The following POMT1 variants were observed in gnomAD, a reference collection of about 807,000 sequenced individuals.
POMT1 encodes protein O-mannosyltransferase 1, also known as protein O-mannosyl-transferase 1.
Under a neutral mutation model 101.6 loss-of-function variants are expected in POMT1, and 85 were observed. The observed-to-expected ratio is 0.84, with a 90% CI of 0.70 to 1.00. The LOEUF (loss-of-function observed/expected upper bound fraction) is 1.00, where lower values mean the gene tolerates loss of function less well. POMT1 is among the 50% of genes least tolerant of loss of function. The pLI, the probability that POMT1 is intolerant of heterozygous loss-of-function variation, is 0.00. For synonymous variants in POMT1, 371 were observed against 383.0 expected, an observed-to-expected ratio of 0.97 and a Z score of 0.37; for missense variants, 857 against 930.4, an observed-to-expected ratio of 0.92 and a Z score of 1.03.
intron 2 of POMT1, among the ~76,000 whole-genome samples, chr9:131,505,709 C>T (rs962603790): frequency 1.6e-5 from 2 of 125,824 alleles, no homozygotes. Flanking sequence ...TACTTGCAGC[C>T]GTTTCATTGG....
At chr9:131,521,639 C>G (rs1033357648) in intron 18 of POMT1, among the ~76,000 whole-genome samples, 167 bp downstream of exon 18, 1 of 152,166 alleles carries the variant, frequency 6.6e-6, no homozygotes, top group Non-Finnish European at 1.5e-5. Context: ...CCTCAAGTGA[C>G]AAACCGACTT....
At chr9:131,510,566 G>A in intron 9 of POMT1, 151 bp downstream of exon 9, 1 of 1,066,642 alleles carries the variant, frequency 9.4e-7, no homozygotes. Context: ...GGGGGATGGA[G>A]TCTTACTCTG....
intron 12 of POMT1, among the ~76,000 whole-genome samples, chr9:131,514,306 T>TCC (rs1371632227): frequency 1.3e-5 from 2 of 152,124 alleles, no homozygotes; most frequent in Non-Finnish European, 2.9e-5. Flanking sequence ...CTGACACACT[T>TCC]CACCCCCGCC....
At position 131,521,397 on chromosome 9, in the gene POMT1, G is replaced by A. The variant is rs141582843; in HGVS notation, c.1750G>A (p.Ala584Thr). 2.5e-6 allele frequency: 4 copies of A among 1,614,074 alleles called. No individual in the cohort carries two copies. The highest frequency in any genetic ancestry group is 1.7e-6 in the Non-Finnish European group (2 of 1,180,018). Residue 584 changes from alanine to threonine, a missense_variant, in exon 18 of 20, where the codon GCT becomes ACT. Ala to Thr is a moderately conservative substitution (Grantham distance 58). Coordinates refer to ENST00000402686, the MANE Select transcript of POMT1 (RefSeq NM_001077365.2). ...AGTGATCTGGGTTTCGGGCAGCCTCGCTCTGGCCATCTACGCCCTGCTGTC... is the reference window on the plus strand; with the variant it reads ...AGTGATCTGGGTTTCGGGCAGCCTCACTCTGGCCATCTACGCCCTGCTGTC... ...NIVIWVSGSLALAIYALLSLW... is the reference protein window; with the variant it reads ...NIVIWVSGSLTLAIYALLSLW...
intron 12 of POMT1, among the ~76,000 whole-genome samples, chr9:131,514,216 C>T (rs555549429): frequency 6.6e-6 from 1 of 152,300 alleles, no homozygotes; most frequent in Non-Finnish European, 1.5e-5. Context: ...GCCTGTCCGG[C>T]CTGCGGACCG....
chr9:131,521,572 C>A, intron 18 of POMT1, 100 bp downstream of exon 18: 1 of 1,404,686 alleles, frequency 7.1e-7, no homozygotes, highest in Non-Finnish European at 9.9e-7. Context: ...TTAAGCGATC[C>A]TCCTGCCTCG....
Position 131,512,896 on chromosome 9 carries a change from G to C in POMT1, c.1083-343G>C, listed in dbSNP as rs560415934. On this transcript the variant is annotated intron_variant, in intron 11 of 19. Transcript: ENST00000402686. The stretch of plus-strand genomic sequence containing the variant: ...CAAAGTGCTGGGATTGCAGGTGTGA[G>C]CCACCACGCCCGGCCCCCTCATACA... Among the ~76,000 whole-genome samples, 12 of 152,252 alleles carry C rather than the reference G, an allele frequency of 7.9e-5. No homozygotes were observed. In the South Asian group the frequency reaches 2.1e-3, roughly 26 times the overall value.
Position 131,509,768 on chromosome 9 carries a change from T to A in POMT1, c.565T>A (p.Trp189Arg). ...HSPFSLSWWF[W>R]LTLTGVACSC... The stretch of plus-strand genomic sequence containing the variant: ...CCCTTTTTCTCTGAGCTGGTGGTTC[T>A]GGCTAACACTGACAGGGGTCGCTTG... The change falls in exon 7 of 20, where the codon TGG becomes AGG. Residue 189 changes from tryptophan (W) to arginine (R), a missense_variant. Physicochemically the swap from Trp to Arg is moderately radical, Grantham distance 101 (BLOSUM62 -3). Transcript: ENST00000402686. 1 of 1,614,262 alleles carries A rather than the reference T, an allele frequency of 6.2e-7. No homozygotes were observed. The highest frequency in any genetic ancestry group is 8.5e-7 in the Non-Finnish European group (1 of 1,180,050).
chr9:131,513,646 C>T (rs1424081367), intron 12 of POMT1, among the ~76,000 whole-genome samples: 5 of 152,186 alleles, frequency 3.3e-5, no homozygotes, highest in Non-Finnish European at 5.9e-5. Context: ...GCTTTCTATG[C>T]AGAGAATGGA....
intron 8 of POMT1, 60 bp from the exon 9 acceptor site, chr9:131,510,200 C>T (rs949270949): frequency 6.8e-6 from 11 of 1,612,546 alleles, no homozygotes; most frequent in Non-Finnish European, 8.5e-6. Context: ...CTCACAATGT[C>T]TAGAGGTGGG....
chr9:131,518,839 G>T lies in POMT1; in HGVS notation c.1368G>T (p.Leu456=). 1 of 1,613,980 alleles carries T rather than the reference G, an allele frequency of 6.2e-7. No individual in the cohort carries two copies. The highest frequency in any genetic ancestry group is 1.1e-5 in the South Asian group (1 of 91,084). ...TTACTCTCCTGCGGTGTCACCAGCT[G>T]AGCGGGGCTCACCTCCCTGACTGGG... The part of the protein sequence containing the change: ...VHVNTSAVLK[L]SGAHLPDWGY... Residue 456 remains leucine (L), a splice_region_variant and synonymous_variant, in exon 15 of 20, where the codon CTG becomes CTT. Coordinates refer to ENST00000402686, the MANE Select transcript of POMT1 (RefSeq NM_001077365.2).
At chr9:131,511,938 T>A in intron 10 of POMT1, 103 bp from the exon 11 acceptor site, 2 of 1,220,688 alleles carry the variant, frequency 1.6e-6, no homozygotes, top group Non-Finnish European at 2.4e-6. Context: ...CTCAAACTCC[T>A]GGGCTCAAGC....
chr9:131,504,477 G>GACCA (rs889861942), intron 2 of POMT1, 137 bp downstream of exon 2: 1 of 1,305,484 alleles, frequency 7.7e-7, no homozygotes, highest in African/African-American at 1.5e-5. Context: ...TGAGAGGAGA[G>GACCA]ACCAGTCTGT....
chr9:131,511,552 G>C, intron 10 of POMT1, 85 bp downstream of exon 10: 1 of 1,571,168 alleles, frequency 6.4e-7, no homozygotes, highest in Non-Finnish European at 8.7e-7. Flanking sequence ...CCCTTTCTTT[G>C]AGGAAGTTTG....
rs2131952874 is a variant in POMT1 at position 131,523,317 on chromosome 9, G to A, written c.*211G>A. On this transcript the variant is annotated 3_prime_UTR_variant, in exon 20 of 20. Coordinates refer to ENST00000402686, the MANE Select transcript of POMT1 (RefSeq NM_001077365.2). ...AAGTTAATTTTTTCTCGACAATAAAGATATTCCGTGTCTTTACCCCTGAAC... is the reference window on the plus strand; with the variant it reads ...AAGTTAATTTTTTCTCGACAATAAAAATATTCCGTGTCTTTACCCCTGAAC... The A allele has an allele frequency of 1.6e-6, 1 of 628,460 alleles. No homozygotes were observed. The highest frequency in any genetic ancestry group is 2.8e-6 in the Non-Finnish European group (1 of 356,750). The allele number at this position is 628,460 out of a possible 1,614,324, so 38.9% of individuals were successfully genotyped here.
At chr9:131,508,470 G>A (rs1181256361) in intron 5 of POMT1, among the ~76,000 whole-genome samples, 1 of 152,190 alleles carries the variant, frequency 6.6e-6, no homozygotes, top group Non-Finnish European at 1.5e-5. Flanking sequence ...GGCGGAGGTT[G>A]CAGTGAGCCG....
At chr9:131,504,473 G>A (rs1201032281) in intron 2 of POMT1, 133 bp downstream of exon 2, 1 of 1,358,424 alleles carries the variant, frequency 7.4e-7, no homozygotes. Context: ...GCAGTGAGAG[G>A]AGAGACCAGT....
intron 12 of POMT1, among the ~76,000 whole-genome samples, chr9:131,513,909 A>T (rs1355974954): frequency 6.6e-6 from 1 of 152,074 alleles, no homozygotes; most frequent in Non-Finnish European, 1.5e-5. Flanking sequence ...CTGCCTCTGC[A>T]CAGGCCCAGT....
In POMT1 at chr9:131,510,248, A is replaced by C. The variant is rs1215640054; in HGVS notation, c.700-12A>C. ...CGCAGTGGAACATGACTTTTCTTTG[A>C]ATCTCTGGCAGGTCTGTGTGTTCTG... is the stretch of plus-strand genomic sequence containing the variant. On this transcript the variant is annotated splice_polypyrimidine_tract_variant and intron_variant, in intron 8 of 19. Transcript: ENST00000402686. 6.2e-7 allele frequency: 1 copy of C among 1,614,122 alleles called. No homozygotes were observed. Among genetic ancestry groups the C allele is most frequent in the Admixed American group, 1.7e-5 (1 of 60,032 alleles).
Sources: gnomAD v4.1 joint callset for allele counts (sites outside exome capture counted in the v4.1 genomes callset) on GRCh38, gnomAD v4.1.1 for gene constraint, MANE v1.5 for transcripts, NCBI Gene and HGNC (gene_info 2026-07-23, HGNC 2026-07-21) for gene names.